The following GMDS variants were observed in gnomAD, a reference collection of about 807,000 sequenced individuals.
GMDS encodes GDP-mannose 4,6-dehydratase, also known as GDP-mannose 4,6 dehydratase.
GMDS carries 20 observed loss-of-function variants against 49.9 expected under a neutral mutation model. That is an observed-to-expected ratio of 0.40 (90% CI 0.28 to 0.58). GMDS has a LOEUF of 0.58. GMDS is among the 20% of genes least tolerant of loss of function. The pLI is 0.42. For synonymous variants in GMDS, 177 were observed against 178.6 expected (o/e 0.99, Z 0.07); for missense variants, 362 against 481.4 (o/e 0.75, Z 2.32).
At chr6:1,894,888 A>G (rs1015261638) in intron 7 of GMDS, among the ~76,000 whole-genome samples, 7 of 152,232 alleles carry the variant, frequency 4.6e-5, no homozygotes, top group Non-Finnish European at 1.0e-4. Flanking sequence ...ACGGGATTTT[A>G]CTTTATTACC....
intron 9 of GMDS, among the ~76,000 whole-genome samples, chr6:1,646,340 G>T (rs1340711695): frequency 1.3e-5 from 2 of 152,062 alleles, no homozygotes; most frequent in South Asian, 4.2e-4. Context: ...TCCACCTAGG[G>T]CTTTTCTGTG....
At chr6:1,645,582 G>A (rs1297450317) in intron 9 of GMDS, among the ~76,000 whole-genome samples, 1 of 152,106 alleles carries the variant, frequency 6.6e-6, no homozygotes, top group Non-Finnish European at 1.5e-5. Context: ...CCCACTCTCC[G>A]GGTCCAACCT....
intron 4 of GMDS, among the ~76,000 whole-genome samples, chr6:2,083,840 G>A (rs1194839805): frequency 1.3e-5 from 2 of 152,148 alleles, no homozygotes; most frequent in African/African-American, 4.8e-5. Flanking sequence ...TCAAGTGGAG[G>A]TTTATTTCTA....
intron 1 of GMDS, among the ~76,000 whole-genome samples, chr6:2,155,346 T>C (rs903628705): frequency 6.6e-6 from 1 of 152,124 alleles, no homozygotes; most frequent in Non-Finnish European, 1.5e-5. Context: ...ATAATTAATT[T>C]TAAAACAAAC....
At chr6:1,993,827 G>C (rs1300257457) in intron 4 of GMDS, among the ~76,000 whole-genome samples, 1 of 151,826 alleles carries the variant, frequency 6.6e-6, no homozygotes, top group African/African-American at 2.4e-5. Context: ...AGCCACGTAT[G>C]GAATGTGAGT....
At chr6:1,884,825 G>C (rs890472451) in intron 7 of GMDS, among the ~76,000 whole-genome samples, 7 of 152,188 alleles carry the variant, frequency 4.6e-5, no homozygotes, top group African/African-American at 1.4e-4. Context: ...TGAGCTGCGC[G>C]ACCTCATAGC....
At chr6:1,688,305 C>T (rs1017669911) in intron 9 of GMDS, among the ~76,000 whole-genome samples, 1 of 152,262 alleles carries the variant, frequency 6.6e-6, no homozygotes, top group African/African-American at 2.4e-5. Context: ...CTCAGAAACT[C>T]TCAAGTGTGG....
intron 7 of GMDS, among the ~76,000 whole-genome samples, chr6:1,837,185 T>G (rs77026064): frequency 6.6e-6 from 1 of 152,190 alleles, no homozygotes; most frequent in African/African-American, 2.4e-5. Flanking sequence ...CATGTTCAGA[T>G]GATAAGATAA....
intron 9 of GMDS, among the ~76,000 whole-genome samples, chr6:1,702,504 A>T (rs1041557823): frequency 5.9e-5 from 9 of 152,186 alleles, no homozygotes; most frequent in Admixed American, 4.6e-4. Context: ...TTAGGAGGGC[A>T]GAGAAAGCAG....
chr6:2,206,720 T>C (rs1230752596), intron 1 of GMDS, among the ~76,000 whole-genome samples: 1 of 152,158 alleles, frequency 6.6e-6, no homozygotes, highest in Non-Finnish European at 1.5e-5. Flanking sequence ...GCTTGGTAGG[T>C]CAAAATGTGG....
intron 7 of GMDS, among the ~76,000 whole-genome samples, chr6:1,909,325 T>C (rs995521341): frequency 1.2e-4 from 18 of 152,250 alleles, no homozygotes; most frequent in Non-Finnish European, 2.1e-4. Context: ...ATTTAGGTTC[T>C]GCCTACTTGT....
In GMDS at chr6:2,051,018, T is replaced by C. The variant is rs542371697; in HGVS notation, c.345+64753A>G. On this transcript the variant is annotated intron_variant, in intron 4 of 10. Transcript: ENST00000380815. The stretch of plus-strand genomic sequence containing the variant: ...GAAATATCTAATGTAAATAATGAGT[T>C]GATGGGTGTAACAAACCAACATGGC... Among the ~76,000 whole-genome samples, 13 of 152,126 alleles carry C rather than the reference T, an allele frequency of 8.5e-5. No individual in the cohort carries two copies. In the South Asian group the frequency reaches 2.7e-3, roughly 32 times the overall value.
chr6:1,749,281 G>A (rs1767631650), intron 7 of GMDS, among the ~76,000 whole-genome samples: 1 of 152,122 alleles, frequency 6.6e-6, no homozygotes, highest in African/African-American at 2.4e-5. Context: ...AGGAGGTTAT[G>A]CCAGTGACAA....
chr6:2,063,304 C>T (rs114120331), intron 4 of GMDS, among the ~76,000 whole-genome samples: 2,648 of 152,290 alleles, frequency 0.017, 60 homozygotes, highest in African/African-American at 0.047. Flanking sequence ...GATATCTAAT[C>T]AGCAAAAGTT....
At chr6:2,007,861 A>G (rs1165080195) in intron 4 of GMDS, among the ~76,000 whole-genome samples, 1 of 152,194 alleles carries the variant, frequency 6.6e-6, no homozygotes. Context: ...AAATAATAGA[A>G]GGATTCTCAG....
At chr6:1,883,477 T>A (rs1254212963) in intron 7 of GMDS, among the ~76,000 whole-genome samples, 4 of 152,208 alleles carry the variant, frequency 2.6e-5, no homozygotes, top group Admixed American at 6.5e-5. Context: ...AATGGATTTT[T>A]AAAAATTAAA....
At chr6:2,206,113 C>T (rs1315341776) in intron 1 of GMDS, among the ~76,000 whole-genome samples, 1 of 152,072 alleles carries the variant, frequency 6.6e-6, no homozygotes, top group Non-Finnish European at 1.5e-5. Context: ...ACAAAATTAG[C>T]CGGGCGTGGT....
At chr6:1,859,721 T>C (rs1195203833) in intron 7 of GMDS, among the ~76,000 whole-genome samples, 3 of 152,172 alleles carry the variant, frequency 2.0e-5, no homozygotes, top group Admixed American at 2.0e-4. Flanking sequence ...AGTGAATGAC[T>C]GAGGGGTCCC....
intron 7 of GMDS, among the ~76,000 whole-genome samples, chr6:1,916,316 TCTATCAACC>T (rs1197418088): frequency 6.6e-6 from 1 of 152,008 alleles, no homozygotes; most frequent in Non-Finnish European, 1.5e-5. Context: ...CTCACCAGGC[TCTATCAACC>T]CTTCACGTGC....
Sources: allele counts gnomAD v4.1 joint callset (sites outside exome capture counted in the v4.1 genomes callset), GRCh38; gene constraint gnomAD v4.1.1; transcripts MANE v1.5; gene names NCBI Gene and HGNC (gene_info 2026-07-23, HGNC 2026-07-21).